The following GSG1L variants were observed in gnomAD, a reference collection of about 807,000 sequenced individuals.
GSG1L encodes the protein germ cell-specific gene 1-like protein.
GSG1L carries 24 observed loss-of-function variants against 42.1 expected under a neutral mutation model. That is an observed-to-expected ratio of 0.57 (90% CI 0.41 to 0.80). GSG1L has a LOEUF of 0.80. Ranked by LOEUF, GSG1L falls within the 30% of genes least tolerant of loss-of-function variation. The pLI is 0.00. For missense variants in GSG1L, 445 were observed against 472.2 expected (o/e 0.94, Z 0.53); for synonymous variants, 215 against 203.5 (o/e 1.06, Z -0.48).
At chr16:27,793,926 G>C (rs118087764) in intron 6 of GSG1L, among the ~76,000 whole-genome samples, 3,032 of 152,354 alleles carry the variant, frequency 0.02, 20 homozygotes, top group Middle Eastern at 0.041. Flanking sequence ...GCCCAAGCAG[G>C]CAATGTAAAT....
At chr16:27,932,014 T>A (rs1372182423) in intron 2 of GSG1L, among the ~76,000 whole-genome samples, 1 of 152,232 alleles carries the variant, frequency 6.6e-6, no homozygotes, top group East Asian at 1.9e-4. Flanking sequence ...TCTTCCCCAC[T>A]GTTTCAGTCC....
chr16:27,837,606 C>A (rs779010850), intron 4 of GSG1L, among the ~76,000 whole-genome samples: 6 of 152,250 alleles, frequency 3.9e-5, no homozygotes, highest in Non-Finnish European at 5.9e-5. Flanking sequence ...TAGTTCTCCT[C>A]TGACACAATC....
intron 1 of GSG1L, among the ~76,000 whole-genome samples, chr16:28,055,010 T>C (rs573139914): frequency 6.6e-6 from 1 of 152,206 alleles, no homozygotes; most frequent in Non-Finnish European, 1.5e-5. Flanking sequence ...CTCACGTCAC[T>C]CTCGTAGGTT....
chr16:27,926,693 G>GA (rs1213358606), intron 2 of GSG1L, among the ~76,000 whole-genome samples: 6 of 151,706 alleles, frequency 4.0e-5, no homozygotes, highest in African/African-American at 1.5e-4. Context: ...CGTCACAAAG[G>GA]AAAAAACAAA....
intron 1 of GSG1L, among the ~76,000 whole-genome samples, chr16:28,047,664 A>T (rs2141191398): frequency 6.6e-6 from 1 of 152,274 alleles, no homozygotes; most frequent in African/African-American, 2.4e-5. Flanking sequence ...TTAAAATATG[A>T]AAAAAATAGG....
At chr16:27,928,571 T>G (rs1319151255) in intron 2 of GSG1L, among the ~76,000 whole-genome samples, 4 of 152,228 alleles carry the variant, frequency 2.6e-5, no homozygotes, top group Non-Finnish European at 4.4e-5. Context: ...TCTGTCTGGT[T>G]CATCAGTCTG....
At chr16:27,980,914 A>G (rs1052335295) in intron 1 of GSG1L, among the ~76,000 whole-genome samples, 1 of 151,512 alleles carries the variant, frequency 6.6e-6, no homozygotes, top group African/African-American at 2.4e-5. Context: ...AAAAAAAAAA[A>G]AAAGAAAGAA....
At chr16:27,990,071 G>C (rs1403869361) in intron 1 of GSG1L, among the ~76,000 whole-genome samples, 1 of 152,166 alleles carries the variant, frequency 6.6e-6, no homozygotes, top group African/African-American at 2.4e-5. Context: ...TTAATTAGCT[G>C]ATGTGTTTAT....
At chr16:27,911,669 A>G (rs1177986931) in intron 2 of GSG1L, among the ~76,000 whole-genome samples, 2 of 147,678 alleles carry the variant, frequency 1.4e-5, no homozygotes, top group Non-Finnish European at 3.0e-5. Context: ...GAACCTCCCC[A>G]CTCCCTCCCC....
intron 3 of GSG1L, among the ~76,000 whole-genome samples, chr16:27,867,418 T>C (rs2083742420): frequency 6.6e-6 from 1 of 152,160 alleles, no homozygotes; most frequent in Non-Finnish European, 1.5e-5. Flanking sequence ...TGGGAGCCAC[T>C]GGGAGGCAGA....
At chr16:27,848,394 T>C (rs1365973036) in intron 3 of GSG1L, among the ~76,000 whole-genome samples, 2 of 152,196 alleles carry the variant, frequency 1.3e-5, no homozygotes, top group Admixed American at 6.5e-5. Context: ...GTGTGGGATA[T>C]GGCAATGAGC....
chr16:28,023,394 A>G (rs2085866220), intron 1 of GSG1L, among the ~76,000 whole-genome samples: 1 of 152,006 alleles, frequency 6.6e-6, no homozygotes, highest in African/African-American at 2.4e-5. Context: ...GTTTGTTCTC[A>G]TTTTTCTCTA....
At position 27,849,197 on chromosome 16, in the gene GSG1L, CAAAAAGAAA is replaced by C. The variant is rs1259955321; in HGVS notation, c.551-4145_551-4137del. 8.5e-3 allele frequency among the ~76,000 whole-genome samples: 965 copies of C among 113,634 alleles called. 17 individuals carry two copies. The highest frequency in any genetic ancestry group is 0.025 in the African/African-American group (771 of 30,782). 74.5% of individuals were successfully genotyped at this position (113,634 alleles called of 152,430 possible). ...TGGGTGACAGAGTGAGCCTCTATCC[CAAAAAGAAA>C]AAAAAAAAAAAAAAAAAGAGAAAAG... On this transcript the variant is annotated intron_variant, in intron 3 of 6. Transcript: ENST00000447459.
intron 4 of GSG1L, among the ~76,000 whole-genome samples, chr16:27,836,496 T>C (rs2083322045): frequency 6.6e-6 from 1 of 152,110 alleles, no homozygotes; most frequent in South Asian, 2.1e-4. Flanking sequence ...CAGTGTTATA[T>C]TTTTGGTTGT....
intron 4 of GSG1L, among the ~76,000 whole-genome samples, chr16:27,830,461 G>A (rs2083262465): frequency 6.6e-6 from 1 of 151,166 alleles, no homozygotes; most frequent in South Asian, 2.1e-4. Context: ...AAAAATCTGA[G>A]GACTCTGCCT....
At chr16:27,933,857 C>T (rs566186371) in intron 2 of GSG1L, among the ~76,000 whole-genome samples, 2 of 152,168 alleles carry the variant, frequency 1.3e-5, no homozygotes, top group South Asian at 2.1e-4. Context: ...GCCTGAGGTC[C>T]CGTAGCTGCT....
chr16:27,839,334 G>A (rs906765841), intron 4 of GSG1L, among the ~76,000 whole-genome samples: 1 of 152,188 alleles, frequency 6.6e-6, no homozygotes, highest in Non-Finnish European at 1.5e-5. Flanking sequence ...GCTCTTATAA[G>A]CTTCCACACC....
intron 1 of GSG1L, among the ~76,000 whole-genome samples, chr16:28,052,967 T>A (rs1164388294): frequency 3.3e-5 from 5 of 152,120 alleles, no homozygotes; most frequent in Non-Finnish European, 7.4e-5. Context: ...AAAGTCTCCC[T>A]CAAGGTGGGG....
chr16:27,946,579 AAGAGAG>A (rs1166800286), intron 2 of GSG1L, among the ~76,000 whole-genome samples: 96 of 36,988 alleles, frequency 2.6e-3, no homozygotes, highest in South Asian at 9.9e-3. Flanking sequence ...GAAAGAAAGA[AAGAGAG>A]AGAGAGAGAG....
Sources: gnomAD v4.1 joint callset for allele counts (sites outside exome capture counted in the v4.1 genomes callset) on GRCh38, gnomAD v4.1.1 for gene constraint, MANE v1.5 for transcripts, NCBI Gene and HGNC (gene_info 2026-07-23, HGNC 2026-07-21) for gene names.